Variants in ANXA8 observed in about 807,000 individuals in gnomAD.
The protein encoded by ANXA8 is VAC-beta.
Under a neutral mutation model 26.8 loss-of-function variants are expected in ANXA8, and 9 were observed. The observed-to-expected ratio is 0.34, with a 90% CI of 0.20 to 0.59. ANXA8 has a LOEUF of 0.59. Ranked by LOEUF, ANXA8 falls within the 20% of genes least tolerant of loss-of-function variation. The pLI is 0.84. For missense variants in ANXA8, 83 were observed against 238.5 expected, an observed-to-expected ratio of 0.35 and a Z score of 4.29; for synonymous variants, 39 against 94.8, an observed-to-expected ratio of 0.41 and a Z score of 3.42.
At chr10:47,674,272 C>G in the ANXA8 span, among the ~76,000 whole-genome samples, 1 of 150,736 alleles carries the variant, frequency 6.6e-6, no homozygotes, top group Admixed American at 6.7e-5. Context: ...GCTGGGACTA[C>G]AGATGCATGC....
the ANXA8 span, among the ~76,000 whole-genome samples, chr10:47,650,793 C>T: frequency 9.9e-4 from 141 of 142,246 alleles, 2 homozygotes; most frequent in African/African-American, 3.6e-3. Context: ...GGCGACAGAG[C>T]GAGACTCCGT....
At chr10:47,976,474 G>A in the ANXA8 span, among the ~76,000 whole-genome samples, 1 of 151,448 alleles carries the variant, frequency 6.6e-6, no homozygotes, top group Admixed American at 6.6e-5. Flanking sequence ...TTGGGAGGCT[G>A]AGATGGGAGG....
chr10:47,508,945 T>C, the ANXA8 span, among the ~76,000 whole-genome samples: 12 of 129,396 alleles, frequency 9.3e-5, 3 homozygotes, highest in South Asian at 2.8e-3. Flanking sequence ...CACTACTGAT[T>C]CATGATAAAA....
chr10:47,548,706 T>A, the ANXA8 span, among the ~76,000 whole-genome samples: 1 of 150,462 alleles, frequency 6.6e-6, no homozygotes, highest in Admixed American at 6.7e-5. Flanking sequence ...CGCTGAGTAC[T>A]ATCTAAATTT....
At chr10:47,534,563 T>C in the ANXA8 span, among the ~76,000 whole-genome samples, 2 of 136,808 alleles carry the variant, frequency 1.5e-5, 1 homozygote, top group East Asian at 5.4e-4. Flanking sequence ...TTGATGTTTT[T>C]CTCTTTTTTT....
the ANXA8 span, among the ~76,000 whole-genome samples, chr10:47,699,351 A>G: frequency 6.8e-6 from 1 of 146,892 alleles, no homozygotes; most frequent in African/African-American, 2.5e-5. Flanking sequence ...CTCCAAAAAA[A>G]AAAAAAAAAA....
the ANXA8 span, among the ~76,000 whole-genome samples, chr10:47,659,410 T>C: frequency 6.6e-6 from 1 of 151,700 alleles, no homozygotes; most frequent in East Asian, 1.9e-4. Flanking sequence ...CCGGGCGCGG[T>C]GGCTCATGTC....
At chr10:47,501,480 C>A in the ANXA8 span, among the ~76,000 whole-genome samples, 1 of 137,226 alleles carries the variant, frequency 7.3e-6, no homozygotes, top group Non-Finnish European at 1.6e-5. Flanking sequence ...GAGGCCGAGG[C>A]AGGTGGATCA....
the ANXA8 span, among the ~76,000 whole-genome samples, chr10:47,526,685 GAA>G: frequency 7.5e-6 from 1 of 133,864 alleles, no homozygotes; most frequent in East Asian, 3.8e-4. Flanking sequence ...ATAAAAAGGT[GAA>G]AAGTCTCTGT....
At chr10:47,694,642 A>G in the ANXA8 span, among the ~76,000 whole-genome samples, 7 of 151,694 alleles carry the variant, frequency 4.6e-5, no homozygotes, top group Non-Finnish European at 8.8e-5. Context: ...GCTGGTCTCG[A>G]ACTCCTGACC....
chr10:47,686,595 C>T, the ANXA8 span, among the ~76,000 whole-genome samples: 1 of 151,860 alleles, frequency 6.6e-6, no homozygotes. Flanking sequence ...TTTTGAATTC[C>T]CAGGGCCTAG....
chr10:47,733,149 CTT>C, the ANXA8 span, among the ~76,000 whole-genome samples: 199 of 68,120 alleles, frequency 2.9e-3, 1 homozygote, highest in African/African-American at 0.011. Context: ...CCTAATCTTT[CTT>C]TCTTTCTTTC....
At chr10:47,626,134 A>G in the ANXA8 span, among the ~76,000 whole-genome samples, 1 of 150,332 alleles carries the variant, frequency 6.7e-6, no homozygotes, top group Non-Finnish European at 1.5e-5. Context: ...ATTTGAATAA[A>G]TTGAAACATA....
upstream of ANXA8, among the ~76,000 whole-genome samples, chr10:47,488,783 A>G (rs1380304000): frequency 1.7e-5 from 2 of 117,736 alleles, no homozygotes; most frequent in African/African-American, 6.8e-5. Context: ...GCTGGAGTGC[A>G]GTGTCGCGAT....
At chr10:47,580,086 T>C in the ANXA8 span, among the ~76,000 whole-genome samples, 4 of 150,954 alleles carry the variant, frequency 2.6e-5, no homozygotes, top group East Asian at 2.0e-4. Flanking sequence ...ACCCAGCCAA[T>C]TTGTGTATTT....
chr10:47,551,696 AT>A, the ANXA8 span: 1 of 204,646 alleles, frequency 4.9e-6, no homozygotes, highest in Non-Finnish European at 1.0e-5. Context: ...GCTCCTAACT[AT>A]TTAAAAAGAT....
chr10:47,499,662 C>G, the ANXA8 span, among the ~76,000 whole-genome samples: 7 of 87,118 alleles, frequency 8.0e-5, no homozygotes, highest in Non-Finnish European at 2.2e-5. Flanking sequence ...CCTCGCCTAT[C>G]TTCAACTCTT....
At chr10:47,554,407 G>C in the ANXA8 span, among the ~76,000 whole-genome samples, 1 of 150,734 alleles carries the variant, frequency 6.6e-6, no homozygotes, top group East Asian at 2.0e-4. Flanking sequence ...AGCCTAAACT[G>C]CCTCGCCTTC....
the ANXA8 span, among the ~76,000 whole-genome samples, chr10:47,561,527 C>T: frequency 2.0e-5 from 3 of 151,906 alleles, no homozygotes; most frequent in Admixed American, 2.0e-4. Flanking sequence ...CCATCACCCC[C>T]ATCCCCAATG....
Sources: gnomAD v4.1 joint callset for allele counts (sites outside exome capture counted in the v4.1 genomes callset) on GRCh38, gnomAD v4.1.1 for gene constraint, MANE v1.5 for transcripts, NCBI Gene and HGNC (gene_info 2026-07-23, HGNC 2026-07-21) for gene names.